ALDH1A3: variants seen among roughly 807,000 people sequenced by gnomAD.
ALDH1A3 encodes the protein aldehyde dehydrogenase 1 family member A3.
A neutral mutation model predicts 57.5 loss-of-function variants in ALDH1A3; 28 were observed. The ratio of observed to expected loss-of-function variants is 0.49; its 90% CI spans 0.36 to 0.67. The LOEUF (loss-of-function observed/expected upper bound fraction) is 0.67. Ranked by LOEUF, ALDH1A3 falls within the 30% of genes least tolerant of loss-of-function variation. ALDH1A3 has a pLI of 0.00. For missense variants in ALDH1A3, 507 were observed against 669.4 expected, an observed-to-expected ratio of 0.76 and a Z score of 2.68; for synonymous variants, 281 against 264.8, an observed-to-expected ratio of 1.06 and a Z score of -0.59.
In ALDH1A3 at chr15:100,892,572, C is replaced by T. The variant is rs750971909; in HGVS notation, c.408C>T (p.Gly136=). Residue 136 remains glycine, a synonymous_variant, in exon 4 of 13, where the codon GGC becomes GGT. Transcript: ENST00000329841. ...ATGCTTTTTTCATCGACCTGGAGGG[C>T]TGTATTAGAACCCTCAGATACTTTG... The part of the protein sequence containing the change: ...FLHAFFIDLE[G]CIRTLRYFAG... 1.2e-6 allele frequency: 2 copies of T among 1,613,428 alleles called. No homozygotes were observed. The highest frequency in any genetic ancestry group is 1.7e-6 in the Non-Finnish European group (2 of 1,179,782).
Position 100,880,461 on chromosome 15 carries a change from C to T in ALDH1A3, c.99+455C>T, listed in dbSNP as rs370896024. On this transcript the variant is annotated intron_variant, in intron 1 of 12. Transcript: ENST00000329841. ...GGTCCGAGAGCGCCAAGAGAGAGTCCGGGAGGCAGATGGCGGAGCTGCAGT... is the reference window on the plus strand; with the variant it reads ...GGTCCGAGAGCGCCAAGAGAGAGTCTGGGAGGCAGATGGCGGAGCTGCAGT... The T allele has an allele frequency of 1.3e-3, 443 of 350,600 alleles. 2 individuals are homozygous for T. Among genetic ancestry groups the T allele is most frequent in the African/African-American group, 7.8e-3 (369 of 47,100 alleles). 21.7% of individuals were successfully genotyped at this position (350,600 alleles called of 1,614,324 possible). A position where few individuals can be genotyped will look rare whatever the true frequency, so the allele number is the denominator to read the frequency against.
At chr15:100,883,682 A>G (rs1208042522) in intron 1 of ALDH1A3, among the ~76,000 whole-genome samples, 3 of 151,486 alleles carry the variant, frequency 2.0e-5, no homozygotes, top group African/African-American at 7.3e-5. Flanking sequence ...TCAACTTTTA[A>G]GTTCTGGGGT....
intron 1 of ALDH1A3, among the ~76,000 whole-genome samples, chr15:100,882,989 G>A (rs2041560321): frequency 6.6e-6 from 1 of 152,144 alleles, no homozygotes; most frequent in African/African-American, 2.4e-5. Flanking sequence ...GAGTCAAACA[G>A]TCTGATTTTT....
intron 1 of ALDH1A3, among the ~76,000 whole-genome samples, chr15:100,883,099 G>A (rs868282698): frequency 4.6e-5 from 7 of 152,082 alleles, no homozygotes; most frequent in South Asian, 4.1e-4. Context: ...GCAGACATCC[G>A]ATCATTGTAA....
At chr15:100,881,759 C>T (rs2041549685) in intron 1 of ALDH1A3, among the ~76,000 whole-genome samples, 1 of 152,072 alleles carries the variant, frequency 6.6e-6, no homozygotes, top group African/African-American at 2.4e-5. Flanking sequence ...GAGTGGTCTC[C>T]CAGGCGATAA....
chr15:100,902,130 A>G (rs2041775580), intron 9 of ALDH1A3, among the ~76,000 whole-genome samples: 2 of 152,230 alleles, frequency 1.3e-5, no homozygotes. Flanking sequence ...ATCCCCATAC[A>G]GAAGAAACTT....
At position 100,914,876 on chromosome 15, in the gene ALDH1A3, C is replaced by T. The variant is rs77734193; in HGVS notation, c.*103C>T. 3,487 of 1,027,196 alleles carry T rather than the reference C, an allele frequency of 3.4e-3. 56 individuals are homozygous for T. The African/African-American group carries it at 0.042, about 12-fold the overall frequency. 63.6% of individuals were successfully genotyped at this position (1,027,196 alleles called of 1,614,324 possible). Reference sequence around the variant, plus strand: ...ATTTCTGACCTTCCCGGGACACATTCTTCTGGAGGCTTTACATCTACTGGA... The same window carrying T: ...ATTTCTGACCTTCCCGGGACACATTTTTCTGGAGGCTTTACATCTACTGGA... On this transcript the variant is annotated 3_prime_UTR_variant, in exon 13 of 13. Coordinates refer to ENST00000329841, the MANE Select transcript of ALDH1A3 (RefSeq NM_000693.4).
intron 2 of ALDH1A3, among the ~76,000 whole-genome samples, chr15:100,885,917 G>C (rs772837262): frequency 6.6e-6 from 1 of 152,204 alleles, no homozygotes; most frequent in Non-Finnish European, 1.5e-5. Flanking sequence ...ATTTGCAAGT[G>C]CAAGGTCTAT....
Position 100,879,850 on chromosome 15 carries a change from G to T in ALDH1A3, c.-58G>T. ...CCCGGGAGCGGGCTGCGCAGTGTCC[G>T]GGCCGAGCCGGTGCGCCGCAGACTA... is the stretch of plus-strand genomic sequence containing the variant. On this transcript the variant is annotated 5_prime_UTR_variant, in exon 1 of 13. Transcript: ENST00000329841. 7.9e-7 allele frequency: 1 copy of T among 1,258,546 alleles called. No homozygotes were observed. Among genetic ancestry groups the T allele is most frequent in the Non-Finnish European group, 1.0e-6 (1 of 980,674 alleles). The allele number at this position is 1,258,546 out of a possible 1,614,324, so 78.0% of individuals were successfully genotyped here.
Position 100,908,396 on chromosome 15 carries a change from A to C in ALDH1A3, c.1392-12A>C, listed in dbSNP as rs200510714. 1 of 1,612,456 alleles carries C rather than the reference A, an allele frequency of 6.2e-7. No individual in the cohort carries two copies. Among genetic ancestry groups the C allele is most frequent in the African/African-American group, 1.3e-5 (1 of 74,864 alleles). ...TCCAGATGACTCTGAGCTTTCTTCCATTCTTTTCTAGGATCAACTGCTACA... is the reference window on the plus strand; with the variant it reads ...TCCAGATGACTCTGAGCTTTCTTCCCTTCTTTTCTAGGATCAACTGCTACA... On this transcript the variant is annotated splice_polypyrimidine_tract_variant and intron_variant, in intron 11 of 12. Transcript: ENST00000329841.
chr15:100,886,122 T>C (rs752379282), intron 2 of ALDH1A3, among the ~76,000 whole-genome samples: 5 of 152,214 alleles, frequency 3.3e-5, no homozygotes, highest in Non-Finnish European at 5.9e-5. Context: ...GTGGATGCAG[T>C]GAAGGGCGTG....
intron 8 of ALDH1A3, 33 bp downstream of exon 8, chr15:100,898,218 C>A (rs1160489463): frequency 3.8e-6 from 6 of 1,580,178 alleles, no homozygotes; most frequent in Admixed American, 3.4e-5. Flanking sequence ...TTTGCTGGGG[C>A]TTCAGGGCAT....
At chr15:100,892,806 G>T in intron 4 of ALDH1A3, 139 bp from the exon 5 acceptor site, 1 of 1,322,214 alleles carries the variant, frequency 7.6e-7, no homozygotes, top group Non-Finnish European at 1.0e-6. Context: ...TTAAAGTTGA[G>T]GTCAAATCAC....
rs529128654 is a variant in ALDH1A3 at position 100,885,218 on chromosome 15, A to G, written c.100-49A>G. 9 of 1,339,024 alleles carry G rather than the reference A, an allele frequency of 6.7e-6. No individual in the cohort carries two copies. The South Asian group carries it at 8.2e-5, about 12-fold the overall frequency. 82.9% of individuals were successfully genotyped at this position (1,339,024 alleles called of 1,614,324 possible). The stretch of plus-strand genomic sequence containing the variant: ...CTAAGGTCCTTAGCATGTTGAAATT[A>G]TATGATTTTGATCTAAACCTAATTG... On this transcript the variant is annotated intron_variant, in intron 1 of 12. Transcript: ENST00000329841.
At chr15:100,913,765 T>C (rs919369363) in intron 12 of ALDH1A3, 5 of 152,264 alleles carry the variant, frequency 3.3e-5, no homozygotes, top group African/African-American at 1.2e-4. Context: ...AGTTCAGAGG[T>C]GAGGCTGATG....
Position 100,915,200 on chromosome 15 carries a change from G to A in ALDH1A3, c.*427G>A. 6.0e-6 allele frequency: 1 copy of A among 166,706 alleles called. No individual in the cohort carries two copies. The highest frequency in any genetic ancestry group is 1.7e-4 in the South Asian group (1 of 5,944). The allele number at this position is 166,706 out of a possible 1,614,324, so 10.3% of individuals were successfully genotyped here. A position where few individuals can be genotyped will look rare whatever the true frequency, so the allele number is the denominator to read the frequency against. ...CTCTTGCACCAGCGGTCTCCTCAGG[G>A]TGGACCTGCTTACAGAGCAAGCCAC... On this transcript the variant is annotated 3_prime_UTR_variant, in exon 13 of 13. Transcript: ENST00000329841.
At chr15:100,908,780 C>T (rs2041852217) in intron 12 of ALDH1A3, among the ~76,000 whole-genome samples, 1 of 152,162 alleles carries the variant, frequency 6.6e-6, no homozygotes, top group Admixed American at 6.5e-5. Context: ...TGGACGGGGA[C>T]ACAGGCAGAA....
chr15:100,892,442 T>C, intron 3 of ALDH1A3, 68 bp from the exon 4 acceptor site: 1 of 1,602,896 alleles, frequency 6.2e-7, no homozygotes, highest in Non-Finnish European at 8.5e-7. Context: ...AACTTCCATC[T>C]TTAACAACCT....
In ALDH1A3 at chr15:100,887,620, G is replaced by A. The variant is rs763601560; in HGVS notation, c.253G>A (p.Gly85Ser). 67 of 1,611,354 alleles carry A rather than the reference G, an allele frequency of 4.2e-5. No homozygotes were observed. Among genetic ancestry groups the A allele is most frequent in the Admixed American group, 3.4e-5 (2 of 59,662 alleles). Residue 85 changes from glycine (G) to serine (S), a missense_variant, in exon 3 of 13, where the codon GGC (glycine) becomes AGC (serine). Gly to Ser is a moderately conservative substitution (Grantham distance 56). Around this residue, in one of 2 missense-constraint regions of ALDH1A3, gnomAD observed 432 missense variants for 608.4 expected, o/e 0.71. Transcript: ENST00000329841. The surrounding 1 kb of genome is among the most constrained non-coding windows in gnomAD (Gnocchi z 4.6). ...VEAAQVAFQR[G>S]SPWRRLDALS... ...GGCTGCACAGGTTGCCTTCCAGAGG[G>A]GCTCGCCATGGCGCCGGCTGGATGC...
Sources: gnomAD v4.1 joint callset for allele counts (sites outside exome capture counted in the v4.1 genomes callset) on GRCh38, gnomAD v4.1.1 for gene constraint, gnomAD v4.1.1 regional missense constraint, Gnocchi (gnomAD v3.1) non-coding constraint, MANE v1.5 for transcripts, NCBI Gene and HGNC (gene_info 2026-07-23, HGNC 2026-07-21) for gene names.